RIPOR3: variants seen among roughly 807,000 people sequenced by gnomAD.
The protein encoded by RIPOR3 is family with sequence similarity 65 member C.
RIPOR3 carries 95 observed loss-of-function variants against 114.3 expected under a neutral mutation model. The observed-to-expected ratio is 0.83, with a 90% confidence interval of 0.70 to 0.99. The LOEUF is 0.99. Among genes scored for constraint, RIPOR3 ranks in the 50% least tolerant of loss-of-function variants. The pLI is 0.00. For synonymous variants in RIPOR3, 575 were observed against 543.8 expected, an observed-to-expected ratio of 1.06 and a Z score of -0.80; for missense variants, 1,252 against 1,266.9, an observed-to-expected ratio of 0.99 and a Z score of 0.18.
At position 50,610,841 on chromosome 20, in the gene RIPOR3, G is replaced by T. The variant is rs1369618399; in HGVS notation, c.426+12C>A. The T allele has an allele frequency of 1.2e-6, 2 of 1,614,146 alleles. No homozygotes were observed. Among genetic ancestry groups the T allele is most frequent in the Admixed American group, 3.3e-5 (2 of 60,020 alleles). On this transcript the variant is annotated intron_variant, in intron 6 of 21. Transcript: ENST00000327979. ...CCCCACCCCACCCTGCAACATCCAC[G>T]AGCCAGCTGACCTTGCTGATGTGAA...
At position 50,623,655 on chromosome 20, in the gene RIPOR3, G is replaced by T. The variant is rs1032606329; in HGVS notation, c.123-3523C>A. Among the ~76,000 whole-genome samples, 19 of 151,258 alleles carry T rather than the reference G, an allele frequency of 1.3e-4. 1 individual carries two copies. Among genetic ancestry groups the T allele is most frequent in the Admixed American group, 5.9e-4 (9 of 15,198 alleles). On this transcript the variant is annotated intron_variant, in intron 2 of 21. Coordinates refer to ENST00000327979, the MANE Select transcript of RIPOR3 (RefSeq NM_001290268.2). ...ACAAGTAATGTCTCTGTAGAGCAGA[G>T]AAACTAAGCTCAGGCCAGGGCTAGT...
At chr20:50,649,712 G>A (rs538071777) in intron 1 of RIPOR3, among the ~76,000 whole-genome samples, 2 of 152,164 alleles carry the variant, frequency 1.3e-5, no homozygotes, top group Non-Finnish European at 2.9e-5. Flanking sequence ...GGCAATTCCT[G>A]TAAAAGCCAT....
chr20:50,591,194 AAAAT>A (rs2083095689), intron 19 of RIPOR3, among the ~76,000 whole-genome samples: 1 of 152,250 alleles, frequency 6.6e-6, no homozygotes, highest in South Asian at 2.1e-4. Context: ...ATTTTAACAA[AAAAT>A]AAAACAGGAT....
intron 1 of RIPOR3, among the ~76,000 whole-genome samples, chr20:50,671,397 C>T (rs1332518899): frequency 6.7e-6 from 1 of 148,302 alleles, no homozygotes; most frequent in Non-Finnish European, 1.5e-5. Context: ...CCCTCTCTCT[C>T]ACATGAGCAC....
Position 50,682,612 on chromosome 20 carries a change from A to ATGTGTGTGTGTG in RIPOR3, c.3+8502_3+8513dup, listed in dbSNP as rs71190593. ...ACAGAGTGAGACCCTGTCTCAAAAT[A>ATGTGTGTGTGTG]TGTGTGTGTGTGTGTGTCTGCATGT... On this transcript the variant is annotated intron_variant, in intron 1 of 21. Transcript: ENST00000327979. Among the ~76,000 whole-genome samples the ATGTGTGTGTGTG allele has an allele frequency of 8.7e-3, 1,277 of 146,890 alleles. 18 individuals are homozygous for ATGTGTGTGTGTG. The highest frequency in any genetic ancestry group is 0.029 in the African/African-American group (1,190 of 40,378).
intron 1 of RIPOR3, among the ~76,000 whole-genome samples, chr20:50,666,183 ATTTCTTTTCTTTTCT>A (rs60151515): frequency 0.055 from 2,395 of 43,792 alleles, 335 homozygotes; most frequent in African/African-American, 0.12. Flanking sequence ...AAGGACACCC[ATTTCTTTTCTTTTCT>A]TTTCTTTTCT....
intron 12 of RIPOR3, among the ~76,000 whole-genome samples, chr20:50,603,655 C>T (rs570188453): frequency 1.2e-4 from 19 of 152,332 alleles, no homozygotes; most frequent in Non-Finnish European, 2.4e-4. Context: ...AGGGCCTTCC[C>T]ATTACCCTCA....
intron 1 of RIPOR3, among the ~76,000 whole-genome samples, chr20:50,678,530 C>T (rs1432528546): frequency 6.6e-6 from 1 of 152,192 alleles, no homozygotes; most frequent in Non-Finnish European, 1.5e-5. Flanking sequence ...GTTCACATAC[C>T]TTAAGGGGTG....
chr20:50,608,246 T>G (rs1397093616), intron 11 of RIPOR3, 143 bp downstream of exon 11: 2 of 1,143,332 alleles, frequency 1.7e-6, no homozygotes, highest in East Asian at 5.1e-5. Context: ...GACTGAGGGG[T>G]GGGAGTGAGG....
intron 2 of RIPOR3, among the ~76,000 whole-genome samples, chr20:50,624,128 C>T (rs2084530508): frequency 6.6e-6 from 1 of 152,212 alleles, no homozygotes; most frequent in African/African-American, 2.4e-5. Flanking sequence ...TGAGCCACTG[C>T]ACCCAGCCAT....
intron 1 of RIPOR3, among the ~76,000 whole-genome samples, chr20:50,649,405 A>G (rs960388155): frequency 2.2e-4 from 33 of 152,178 alleles, no homozygotes; most frequent in African/African-American, 8.0e-4. Context: ...AGATCATGCC[A>G]TTGCACTCCA....
chr20:50,606,809 A>G (rs2083737232), intron 11 of RIPOR3, among the ~76,000 whole-genome samples: 1 of 151,004 alleles, frequency 6.6e-6, no homozygotes, highest in Non-Finnish European at 1.5e-5. Context: ...GGCTCACTGC[A>G]GCCTCCGCCT....
intron 3 of RIPOR3, among the ~76,000 whole-genome samples, chr20:50,619,332 T>G (rs1012409659): frequency 6.6e-6 from 1 of 150,480 alleles, no homozygotes; most frequent in East Asian, 1.9e-4. Flanking sequence ...TCCCAGCTAG[T>G]TGGGAGGCTG....
chr20:50,605,443 TA>T (rs1381453524), intron 11 of RIPOR3, among the ~76,000 whole-genome samples: 1 of 152,158 alleles, frequency 6.6e-6, no homozygotes, highest in Non-Finnish European at 1.5e-5. Context: ...GAGTGATGCT[TA>T]CTCTTCAGAC....
chr20:50,619,904 T>A (rs925817716), intron 3 of RIPOR3, 82 bp downstream of exon 3: 1 of 1,520,884 alleles, frequency 6.6e-7, no homozygotes, highest in Admixed American at 1.9e-5. Flanking sequence ...ACAAGACCCA[T>A]CCACGCTTCC....
At position 50,596,260 on chromosome 20, in the gene RIPOR3, C is replaced by T. The variant is rs1434142371; in HGVS notation, c.1794G>A (p.Lys598=). ...SLFGGSQGLR[K]DRPLPPPSSL... ...ATGACGGTGGGGGCAGGGGCCGGTCCTTTCTGAGTTGAATTGAGAACTGGG... is the reference window on the plus strand; with the variant it reads ...ATGACGGTGGGGGCAGGGGCCGGTCTTTTCTGAGTTGAATTGAGAACTGGG... The change falls in exon 15 of 22, where the codon AAG becomes AAA. Residue 598 remains lysine, a synonymous_variant. Coordinates refer to ENST00000327979, the MANE Select transcript of RIPOR3 (RefSeq NM_001290268.2). 6.2e-7 allele frequency: 1 copy of T among 1,614,072 alleles called. No homozygotes were observed. Among genetic ancestry groups the T allele is most frequent in the Admixed American group, 1.7e-5 (1 of 60,024 alleles).
chr20:50,594,814 G>T, intron 16 of RIPOR3, 100 bp from the exon 17 acceptor site: 1 of 1,389,068 alleles, frequency 7.2e-7, no homozygotes. Flanking sequence ...GGGTAGGGAG[G>T]AGGGGACGGT....
Position 50,620,037 on chromosome 20 carries a change from G to C in RIPOR3, c.218C>G (p.Pro73Arg), listed in dbSNP as rs768827360. The change falls in exon 3 of 22, where the codon CCG becomes CGG. Residue 73 changes from proline to arginine, a missense_variant. Physicochemically the swap from Pro to Arg is moderately radical, Grantham distance 103. Transcript: ENST00000327979. ...GATCTTCTTCACCTGCTGGGGCTTC[G>C]GGTCTGCACAGACCGACCCCTTCCG... ...TLRKGSVCAD[P>R]KPQQVKKIFE... 4 of 1,613,746 alleles carry C rather than the reference G, an allele frequency of 2.5e-6. No homozygotes were observed. In the Admixed American group the frequency reaches 6.7e-5, roughly 27 times the overall value.
chr20:50,672,544 T>G (rs1206370626), intron 1 of RIPOR3, among the ~76,000 whole-genome samples: 1 of 152,106 alleles, frequency 6.6e-6, no homozygotes, highest in Admixed American at 6.5e-5. Flanking sequence ...CAGCATCTGA[T>G]AGCCCCAGTA....
Sources: allele counts gnomAD v4.1 joint callset (sites outside exome capture counted in the v4.1 genomes callset), GRCh38; gene constraint gnomAD v4.1.1; transcripts MANE v1.5; gene names NCBI Gene and HGNC (gene_info 2026-07-23, HGNC 2026-07-21).